MALRD1: variants seen among roughly 807,000 people sequenced by gnomAD.
MALRD1 encodes MAM and LDL receptor class A domain containing 1.
A neutral mutation model predicts 242.1 loss-of-function variants in MALRD1; 247 were observed. The observed-to-expected ratio is 1.02, with a 90% confidence interval of 0.92 to 1.13. The LOEUF (loss-of-function observed/expected upper bound fraction) is 1.13, where lower values mean the gene tolerates loss of function less well. Among genes scored for constraint, MALRD1 ranks in the 50% most tolerant of loss-of-function variants. The probability of loss-of-function intolerance (pLI) is 0.00; values close to 1 mark genes in which losing one functional copy is unlikely to be tolerated. For missense variants in MALRD1, 2,989 were observed against 2,533.1 expected (o/e 1.18, Z -3.86); for synonymous variants, 995 against 866.6 (o/e 1.15, Z -2.60).
intron 21 of MALRD1, among the ~76,000 whole-genome samples, chr10:19,294,076 TTA>T (rs1206334829): frequency 3.3e-5 from 5 of 152,166 alleles, no homozygotes; most frequent in Non-Finnish European, 7.4e-5. Flanking sequence ...GTCTATAAAA[TTA>T]TGTTACCAAA....
chr10:19,134,577 T>A (rs1380167642), intron 9 of MALRD1, among the ~76,000 whole-genome samples: 2 of 152,350 alleles, frequency 1.3e-5, no homozygotes, highest in Non-Finnish European at 2.9e-5. Context: ...AAAATGATGA[T>A]ACTGATTATA....
At chr10:19,050,082 T>A (rs1452797723) in intron 1 of MALRD1, among the ~76,000 whole-genome samples, 2 of 136,042 alleles carry the variant, frequency 1.5e-5, no homozygotes, top group African/African-American at 2.8e-5. Context: ...ACATATGTCT[T>A]CTTTTTTTTT....
intron 24 of MALRD1, among the ~76,000 whole-genome samples, chr10:19,340,020 A>T (rs1843775527): frequency 6.6e-6 from 1 of 152,120 alleles, no homozygotes; most frequent in African/African-American, 2.4e-5. Context: ...GAACTCACTC[A>T]CTGTCATAAG....
rs1385218887 is a variant in MALRD1 at position 19,210,670 on chromosome 10, C to T, written c.2991+990C>T. Among the ~76,000 whole-genome samples the T allele has an allele frequency of 1.3e-4, 19 of 149,540 alleles. No homozygotes were observed. The Admixed American group carries it at 1.3e-3, about 10-fold the overall frequency. ...CTAAATCTAGTTAACAGTTTTGTAACCAAAAACTTAGCTCCAGGCCACCTT... is the reference window on the plus strand; with the variant it reads ...CTAAATCTAGTTAACAGTTTTGTAATCAAAAACTTAGCTCCAGGCCACCTT... On this transcript the variant is annotated intron_variant, in intron 18 of 39. Coordinates refer to ENST00000454679, the MANE Select transcript of MALRD1 (RefSeq NM_001142308.3).
At chr10:19,608,509 T>C (rs189738328) in intron 35 of MALRD1, among the ~76,000 whole-genome samples, 2 of 151,910 alleles carry the variant, frequency 1.3e-5, no homozygotes, top group East Asian at 3.9e-4. Flanking sequence ...GAGTAGATGA[T>C]TTTTTTTATT....
chr10:19,204,829 A>G, intron 16 of MALRD1, 69 bp from the exon 17 acceptor site: 1 of 1,422,646 alleles, frequency 7.0e-7, no homozygotes, highest in Non-Finnish European at 9.3e-7. Flanking sequence ...CTGAGTAGAA[A>G]AATCTAAAGG....
intron 2 of MALRD1, among the ~76,000 whole-genome samples, chr10:19,077,211 A>G (rs1835344761): frequency 6.6e-6 from 1 of 151,970 alleles, no homozygotes; most frequent in Admixed American, 6.6e-5. Flanking sequence ...TTATTAAGTG[A>G]CAATCCATTA....
At chr10:19,396,898 C>A (rs978357165) in intron 28 of MALRD1, among the ~76,000 whole-genome samples, 5 of 152,048 alleles carry the variant, frequency 3.3e-5, no homozygotes, top group Non-Finnish European at 7.4e-5. Flanking sequence ...TATTCCTTAT[C>A]GTATTTAATA....
At chr10:19,181,625 TA>T (rs1433176754) in intron 14 of MALRD1, among the ~76,000 whole-genome samples, 6 of 152,170 alleles carry the variant, frequency 3.9e-5, no homozygotes, top group Non-Finnish European at 7.4e-5. Context: ...TCTAGAGATG[TA>T]ATGTACAACG....
At position 19,093,935 on chromosome 10, in the gene MALRD1, G is replaced by A. The variant is rs1301317500; in HGVS notation, c.597+5750G>A. Reference sequence around the variant, plus strand: ...CAGGGGTCAGGGACCCACTTGAGGAGGCAGTCTGCCCGTTCTCAGATCTCC... The same window carrying A: ...CAGGGGTCAGGGACCCACTTGAGGAAGCAGTCTGCCCGTTCTCAGATCTCC... On this transcript the variant is annotated intron_variant, in intron 4 of 39. Coordinates refer to ENST00000454679, the MANE Select transcript of MALRD1 (RefSeq NM_001142308.3). Among the ~76,000 whole-genome samples, 2 of 101,230 alleles carry A rather than the reference G, an allele frequency of 2.0e-5. 1 individual carries two copies. The highest frequency in any genetic ancestry group is 2.2e-4 in the Admixed American group (2 of 9,270). 66.4% of individuals were successfully genotyped at this position (101,230 alleles called of 152,430 possible).
chr10:19,163,860 A>G (rs780882711), intron 12 of MALRD1, among the ~76,000 whole-genome samples: 4 of 152,200 alleles, frequency 2.6e-5, no homozygotes, highest in African/African-American at 4.8e-5. Flanking sequence ...TTGACTATGG[A>G]TCCCATTGGC....
At chr10:19,712,158 G>A (rs1443459999) in intron 38 of MALRD1, among the ~76,000 whole-genome samples, 2 of 152,134 alleles carry the variant, frequency 1.3e-5, no homozygotes, top group Non-Finnish European at 2.9e-5. Context: ...TGGAACACTT[G>A]GGTCAGCTTC....
intron 33 of MALRD1, among the ~76,000 whole-genome samples, chr10:19,570,307 A>T (rs548995971): frequency 2.0e-4 from 31 of 152,206 alleles, no homozygotes; most frequent in African/African-American, 7.2e-4. Context: ...GTATACAGAT[A>T]TCCACAGCAA....
intron 1 of MALRD1, among the ~76,000 whole-genome samples, chr10:19,064,107 A>G (rs984578756): frequency 1.3e-5 from 2 of 152,108 alleles, no homozygotes; most frequent in Non-Finnish European, 2.9e-5. Context: ...CAACCTTCCA[A>G]TCCTCCCTCT....
chr10:19,601,576 C>G (rs186365882), intron 34 of MALRD1, among the ~76,000 whole-genome samples: 160 of 152,054 alleles, frequency 1.1e-3, no homozygotes, highest in African/African-American at 3.5e-3. Context: ...TTTTAACTAT[C>G]TAAACGGTTA....
At chr10:19,560,373 C>T (rs1004412675) in intron 32 of MALRD1, among the ~76,000 whole-genome samples, 72 of 152,112 alleles carry the variant, frequency 4.7e-4, no homozygotes, top group African/African-American at 1.7e-3. Context: ...GAGGCTGAGG[C>T]AGGAGAATCA....
chr10:19,323,972 T>C lies in MALRD1; in HGVS notation c.3443T>C (p.Leu1148Pro), dbSNP rs1053338288. 7.1e-6 allele frequency: 11 copies of C among 1,550,706 alleles called. No individual in the cohort carries two copies. The highest frequency in any genetic ancestry group is 1.4e-5 in the African/African-American group (1 of 73,026). Residue 1148 changes from leucine (L) to proline (P), a missense_variant, in exon 22 of 40, where the codon CTG becomes CCG. Leu to Pro is a moderately conservative substitution (Grantham distance 98). Transcript: ENST00000454679. Reference sequence around the variant, plus strand: ...AGAAATACCACTGATGGCTGGTACCTGTATGCTGACAGTTCTAATGGGAAA... The same window carrying C: ...AGAAATACCACTGATGGCTGGTACCCGTATGCTGACAGTTCTAATGGGAAA... The part of the protein sequence containing the change: ...HTQNTTDGWY[L>P]YADSSNGKFG...
chr10:19,540,401 G>A (rs887907783), intron 32 of MALRD1, among the ~76,000 whole-genome samples: 4 of 152,046 alleles, frequency 2.6e-5, no homozygotes, highest in African/African-American at 9.7e-5. Flanking sequence ...AGGTAGTAAG[G>A]CTTTTGATAC....
At chr10:19,377,840 A>C (rs1382788176) in intron 26 of MALRD1, among the ~76,000 whole-genome samples, 1 of 152,154 alleles carries the variant, frequency 6.6e-6, no homozygotes, top group Non-Finnish European at 1.5e-5. Flanking sequence ...TTTATAAATA[A>C]TGAAATATAA....
Sources: gnomAD v4.1 joint callset for allele counts (sites outside exome capture counted in the v4.1 genomes callset) on GRCh38, gnomAD v4.1.1 for gene constraint, MANE v1.5 for transcripts, NCBI Gene and HGNC (gene_info 2026-07-23, HGNC 2026-07-21) for gene names.